Variants in SLC41A2 observed in about 807,000 individuals in gnomAD.
SLC41A2 encodes the protein SLC41A1-like 1.
SLC41A2 carries 32 observed loss-of-function variants against 58.3 expected under a neutral mutation model. That is an observed-to-expected ratio of 0.55 (90% CI 0.41 to 0.74). The LOEUF (loss-of-function observed/expected upper bound fraction) is 0.74, where lower values mean the gene tolerates loss of function less well. Among genes scored for constraint, SLC41A2 ranks in the 30% least tolerant of loss-of-function variants. SLC41A2 has a pLI of 0.00. For missense variants in SLC41A2, 514 were observed against 680.6 expected (o/e 0.76, Z 2.72); for synonymous variants, 190 against 235.0 (o/e 0.81, Z 1.75).
At position 104,890,174 on chromosome 12, in the gene SLC41A2, C is replaced by T. The variant is rs116128982; in HGVS notation, c.736-997G>A. ...CCAATCCACGTGCTGGAATCGAGGG[C>T]TCCAAGTAAAAAATTCCTGAAGTAG... On this transcript the variant is annotated intron_variant, in intron 4 of 10. Transcript: ENST00000258538. 3.1e-3 allele frequency among the ~76,000 whole-genome samples: 465 copies of T among 152,202 alleles called. 2 individuals carry two copies. Among genetic ancestry groups the T allele is most frequent in the African/African-American group, 0.011 (440 of 41,524 alleles).
At chr12:104,949,752 A>T (rs979486347) in intron 1 of SLC41A2, among the ~76,000 whole-genome samples, 1 of 151,838 alleles carries the variant, frequency 6.6e-6, no homozygotes, top group African/African-American at 2.4e-5. Context: ...CCCGGCTAAT[A>T]TTGTATTTTT....
At chr12:104,924,851 T>C (rs1337640446) in intron 2 of SLC41A2, among the ~76,000 whole-genome samples, 2 of 151,956 alleles carry the variant, frequency 1.3e-5, no homozygotes, top group Non-Finnish European at 2.9e-5. Context: ...TATCCAGCAA[T>C]GGAAATAAAC....
At chr12:104,930,794 G>A (rs116208674) in intron 1 of SLC41A2, among the ~76,000 whole-genome samples, 1,783 of 152,252 alleles carry the variant, frequency 0.012, 10 homozygotes, top group Middle Eastern at 0.02. Context: ...AAACAAGGGG[G>A]AATTTCCCAA....
intron 10 of SLC41A2, among the ~76,000 whole-genome samples, chr12:104,822,918 A>T (rs1274246422): frequency 6.6e-6 from 1 of 152,174 alleles, no homozygotes; most frequent in African/African-American, 2.4e-5. Context: ...AGGGAATTAA[A>T]GAAAGGGGCA....
At chr12:104,831,693 A>G (rs1432987795) in intron 10 of SLC41A2, among the ~76,000 whole-genome samples, 1 of 152,216 alleles carries the variant, frequency 6.6e-6, no homozygotes, top group East Asian at 1.9e-4. Context: ...TCTTTCAGAT[A>G]GAGAACCTTG....
intron 6 of SLC41A2, among the ~76,000 whole-genome samples, chr12:104,882,175 T>A (rs1160205139): frequency 1.3e-5 from 2 of 152,238 alleles, no homozygotes; most frequent in East Asian, 3.9e-4. Flanking sequence ...GCTTGATAGA[T>A]CTTCCTCCAT....
At chr12:104,827,395 A>T (rs1177374443) in intron 10 of SLC41A2, among the ~76,000 whole-genome samples, 1 of 152,188 alleles carries the variant, frequency 6.6e-6, no homozygotes, top group Non-Finnish European at 1.5e-5. Flanking sequence ...GCCCCCAGGC[A>T]AGCCTACAAA....
At chr12:104,889,904 TA>T (rs1212370662) in intron 4 of SLC41A2, among the ~76,000 whole-genome samples, 2 of 151,250 alleles carry the variant, frequency 1.3e-5, no homozygotes, top group East Asian at 1.9e-4. Context: ...AAAGCAAGAA[TA>T]AAAAAAACCT....
At chr12:104,815,329 C>CTGTT (rs1272814310) in intron 10 of SLC41A2, among the ~76,000 whole-genome samples, 1 of 152,174 alleles carries the variant, frequency 6.6e-6, no homozygotes, top group African/African-American at 2.4e-5. Flanking sequence ...TTTATATCAT[C>CTGTT]TGTTTGTTCT....
intron 8 of SLC41A2, among the ~76,000 whole-genome samples, chr12:104,854,568 A>ACC (rs1331686940): frequency 1.5e-4 from 14 of 92,838 alleles, no homozygotes; most frequent in African/African-American, 5.2e-4. Context: ...GTCTCAAAAA[A>ACC]ACAAAAAAAA....
At chr12:104,941,877 A>G (rs1029130006) in intron 1 of SLC41A2, among the ~76,000 whole-genome samples, 9 of 152,246 alleles carry the variant, frequency 5.9e-5, no homozygotes, top group Admixed American at 2.0e-4. Flanking sequence ...TTAAAGTAAA[A>G]TTAAATTTTA....
At chr12:104,957,183 A>G (rs927495975) in intron 1 of SLC41A2, among the ~76,000 whole-genome samples, 1 of 152,196 alleles carries the variant, frequency 6.6e-6, no homozygotes. Flanking sequence ...CTGATACAAC[A>G]ATATTAATAT....
chr12:104,923,222 C>T (rs1371368686), intron 2 of SLC41A2, among the ~76,000 whole-genome samples: 2 of 146,680 alleles, frequency 1.4e-5, no homozygotes, highest in African/African-American at 2.5e-5. Flanking sequence ...ATTAGCCAGG[C>T]GGGGTGGCGG....
intron 2 of SLC41A2, among the ~76,000 whole-genome samples, chr12:104,925,565 G>GAA (rs11455348): frequency 3.1e-4 from 46 of 149,820 alleles, no homozygotes; most frequent in Admixed American, 6.0e-4. Context: ...CTCAAAAAAA[G>GAA]AAAAAAAAAA....
At chr12:104,839,064 T>A (rs1479504827) in intron 10 of SLC41A2, among the ~76,000 whole-genome samples, 2 of 152,228 alleles carry the variant, frequency 1.3e-5, no homozygotes, top group African/African-American at 4.8e-5. Context: ...AAATTTCCCA[T>A]GGAATTTGGT....
At chr12:104,810,373 G>A (rs1338263059) in intron 10 of SLC41A2, among the ~76,000 whole-genome samples, 1 of 151,946 alleles carries the variant, frequency 6.6e-6, no homozygotes, top group Non-Finnish European at 1.5e-5. Context: ...TCTGGGATTA[G>A]CAAGAAAAAT....
chr12:104,854,289 C>T (rs7971260), intron 8 of SLC41A2, among the ~76,000 whole-genome samples: 18 of 151,478 alleles, frequency 1.2e-4, no homozygotes, highest in African/African-American at 4.1e-4. Flanking sequence ...GCCGGCTGGG[C>T]GTGGTGGCTC....
intron 10 of SLC41A2, among the ~76,000 whole-genome samples, chr12:104,814,056 A>C (rs2041289209): frequency 6.6e-6 from 1 of 152,226 alleles, no homozygotes; most frequent in African/African-American, 2.4e-5. Context: ...ATATTTATGT[A>C]TGTATATGTT....
chr12:104,953,645 T>C (rs2048038902), intron 1 of SLC41A2, among the ~76,000 whole-genome samples: 1 of 152,198 alleles, frequency 6.6e-6, no homozygotes, highest in Non-Finnish European at 1.5e-5. Context: ...TGCAACAGTT[T>C]CATCTGGGTA....
Sources: gnomAD v4.1 joint callset for allele counts (sites outside exome capture counted in the v4.1 genomes callset) on GRCh38, gnomAD v4.1.1 for gene constraint, MANE v1.5 for transcripts, NCBI Gene and HGNC (gene_info 2026-07-23, HGNC 2026-07-21) for gene names.